CLGN: variants seen among roughly 807,000 people sequenced by gnomAD.
The protein encoded by CLGN is testis tissue sperm-binding protein Li 79P.
CLGN carries 62 observed loss-of-function variants against 79.1 expected under a neutral mutation model. The observed-to-expected ratio is 0.78, with a 90% CI of 0.64 to 0.97. The LOEUF is 0.97. Among genes scored for constraint, CLGN ranks in the 50% least tolerant of loss-of-function variants. CLGN has a pLI of 0.00. For synonymous variants in CLGN, 225 were observed against 224.7 expected (o/e 1.00, Z -0.01); for missense variants, 647 against 715.5 (o/e 0.90, Z 1.09).
At chr4:140,389,777 G>A (rs1415554271) in intron 14 of CLGN, among the ~76,000 whole-genome samples, 1 of 151,796 alleles carries the variant, frequency 6.6e-6, no homozygotes, top group Admixed American at 6.6e-5. Context: ...CAAACAGTAT[G>A]TGTACTGATT....
chr4:140,405,921 C>T, intron 5 of CLGN, 21 bp downstream of exon 5: 1 of 1,583,602 alleles, frequency 6.3e-7, no homozygotes, highest in Non-Finnish European at 8.6e-7. Flanking sequence ...AAAAAGTATT[C>T]AAAAACATAG....
In CLGN at chr4:140,390,665, T is replaced by C. The variant is rs765276633; in HGVS notation, c.1715A>G (p.Glu572Gly). ...CCCAGACTTATTTGATTGATTACTT[T>C]CTTCTTGCCCTTCTATGATTTCAAT... ...EEIEIIEGQE[E>G]SNQSNKSGSE... The change falls in exon 14 of 15, where the codon GAA (glutamate) becomes GGA (glycine). Residue 572 changes from glutamate to glycine, a missense_variant. Glu to Gly is a moderately conservative substitution (Grantham distance 98). Transcript: ENST00000325617. 5 of 1,605,024 alleles carry C rather than the reference T, an allele frequency of 3.1e-6. No homozygotes were observed. The highest frequency in any genetic ancestry group is 4.3e-6 in the Non-Finnish European group (5 of 1,174,850).
intron 2 of CLGN, among the ~76,000 whole-genome samples, chr4:140,412,410 C>A (rs1729230780): frequency 6.6e-6 from 1 of 152,172 alleles, no homozygotes; most frequent in Admixed American, 6.5e-5. Context: ...TGCAATTTCT[C>A]AGACTCCTGT....
intron 7 of CLGN, among the ~76,000 whole-genome samples, chr4:140,399,553 G>C (rs547652179): frequency 6.6e-6 from 1 of 152,296 alleles, no homozygotes; most frequent in African/African-American, 2.4e-5. Flanking sequence ...GATGAAATGG[G>C]CATTGCCCGA....
In CLGN at chr4:140,409,498, A is replaced by G. The variant is rs569457384; in HGVS notation, c.277+339T>C. ...TCTTACCATAAATTATAATTTATTT[A>G]ATTTATAGATCAAGGTGTGTCTATG... On this transcript the variant is annotated intron_variant, in intron 4 of 14. Coordinates refer to ENST00000325617, the MANE Select transcript of CLGN (RefSeq NM_004362.3). Among the ~76,000 whole-genome samples, 5 of 152,136 alleles carry G rather than the reference A, an allele frequency of 3.3e-5. No individual in the cohort carries two copies. The East Asian group carries it at 9.7e-4, about 29-fold the overall frequency.
At chr4:140,390,514 TA>T in intron 14 of CLGN, 113 bp downstream of exon 14, 2 of 585,898 alleles carry the variant, frequency 3.4e-6, no homozygotes, top group Non-Finnish European at 5.7e-6. Flanking sequence ...GAGGCTCTTA[TA>T]AAAGCTGAGA....
chr4:140,418,896 A>G (rs1182344796), intron 1 of CLGN, among the ~76,000 whole-genome samples: 1 of 152,224 alleles, frequency 6.6e-6, no homozygotes, highest in Non-Finnish European at 1.5e-5. Flanking sequence ...ATAAAGACTC[A>G]TGCACACGTA....
intron 2 of CLGN, among the ~76,000 whole-genome samples, chr4:140,412,483 A>C (rs1437456005): frequency 6.6e-6 from 1 of 152,116 alleles, no homozygotes; most frequent in Admixed American, 6.6e-5. Context: ...AGGTTTACTA[A>C]ATGCCCACCC....
chr4:140,427,132 G>A (rs1020596925), intron 1 of CLGN, among the ~76,000 whole-genome samples: 5 of 152,226 alleles, frequency 3.3e-5, no homozygotes, highest in Non-Finnish European at 2.9e-5. Context: ...CTCAAGCGTG[G>A]AACGGGGCTG....
chr4:140,405,182 T>A (rs1157829087), intron 5 of CLGN, among the ~76,000 whole-genome samples: 57 of 78,868 alleles, frequency 7.2e-4, no homozygotes, highest in African/African-American at 1.8e-3. Flanking sequence ...TATTTTTATT[T>A]TTTTTTTTAT....
intron 2 of CLGN, among the ~76,000 whole-genome samples, chr4:140,412,453 T>C (rs979330224): frequency 6.6e-6 from 1 of 152,188 alleles, no homozygotes; most frequent in Non-Finnish European, 1.5e-5. Flanking sequence ...ATTTTAACAA[T>C]GCTGAGAGAA....
chr4:140,406,071 A>C lies in CLGN; in HGVS notation c.290T>G (p.Ile97Ser). The C allele has an allele frequency of 1.9e-6, 3 of 1,611,512 alleles. No homozygotes were observed. The highest frequency in any genetic ancestry group is 2.5e-6 in the Non-Finnish European group (3 of 1,179,262). Reference sequence around the variant, plus strand: ...TACCTGGTTTTCTTTCAACTCTTCAATTTCCCATCTTCCTAAAAAATAAAG... The same window carrying C: ...TACCTGGTTTTCTTTCAACTCTTCACTTTCCCATCTTCCTAAAAAATAAAG... ...EISIYDGRWE[I>S]EELKENQVPG... Residue 97 changes from isoleucine to serine, a missense_variant, in exon 5 of 15, where the codon ATT becomes AGT. Coordinates refer to ENST00000325617, the MANE Select transcript of CLGN (RefSeq NM_004362.3).
intron 8 of CLGN, among the ~76,000 whole-genome samples, chr4:140,396,891 G>GTGTATATATA (rs1553944631): frequency 1.9e-5 from 1 of 53,664 alleles, no homozygotes; most frequent in Non-Finnish European, 4.0e-5. Context: ...ATATATATAT[G>GTGTATATATA]TATATATATA....
chr4:140,424,301 A>G (rs1438614391), intron 1 of CLGN, among the ~76,000 whole-genome samples: 2 of 152,028 alleles, frequency 1.3e-5, no homozygotes, highest in African/African-American at 4.8e-5. Context: ...TAATTTCCAC[A>G]TATTTGTGAA....
chr4:140,397,113 T>A (rs1728905693), intron 8 of CLGN, among the ~76,000 whole-genome samples: 2 of 151,442 alleles, frequency 1.3e-5, no homozygotes, highest in Admixed American at 1.3e-4. Flanking sequence ...TCTGTGAAAA[T>A]ATAATTGTTA....
intron 8 of CLGN, 100 bp downstream of exon 8, chr4:140,398,751 G>T: frequency 9.5e-7 from 1 of 1,048,120 alleles, no homozygotes; most frequent in Non-Finnish European, 1.4e-6. Flanking sequence ...TAGTTCTGAT[G>T]TTTAAAAAAA....
chr4:140,409,697 G>A, intron 4 of CLGN, 140 bp downstream of exon 4: 1 of 470,858 alleles, frequency 2.1e-6, no homozygotes, highest in Non-Finnish European at 3.9e-6. Flanking sequence ...ATTGAAGAGG[G>A]ACAAGATAAA....
chr4:140,390,584 T>A (rs748002859), intron 14 of CLGN, 44 bp downstream of exon 14: 15 of 1,344,178 alleles, frequency 1.1e-5, no homozygotes, highest in Non-Finnish European at 1.5e-5. Context: ...AAAAACTTTT[T>A]ATGGATAACA....
At chr4:140,406,134 A>C (rs1221280040) in intron 4 of CLGN, 51 bp from the exon 5 acceptor site, 6 of 1,554,676 alleles carry the variant, frequency 3.9e-6, no homozygotes, top group Non-Finnish European at 5.3e-6. Context: ...CATTGACCTA[A>C]GAATTATTTA....
Sources: gnomAD v4.1 joint callset for allele counts (sites outside exome capture counted in the v4.1 genomes callset) on GRCh38, gnomAD v4.1.1 for gene constraint, MANE v1.5 for transcripts, NCBI Gene and HGNC (gene_info 2026-07-23, HGNC 2026-07-21) for gene names.